The following ZNF641 variants were observed in gnomAD, a reference collection of about 807,000 sequenced individuals.
ZNF641 encodes the protein zinc finger protein 641.
In ZNF641, 26 loss-of-function variants were observed where a neutral mutation model predicts 46.2. The ratio of observed to expected loss-of-function variants is 0.56; its 90% CI spans 0.41 to 0.78. The LOEUF (loss-of-function observed/expected upper bound fraction) is 0.78, where lower values mean the gene tolerates loss of function less well. Ranked by LOEUF, ZNF641 falls within the 30% of genes least tolerant of loss-of-function variation. The pLI is 0.00. For missense variants in ZNF641, 469 were observed against 517.8 expected (o/e 0.91, Z 0.91); for synonymous variants, 163 against 187.9 (o/e 0.87, Z 1.09).
intron 1 of ZNF641, among the ~76,000 whole-genome samples, chr12:48,349,103 G>A (rs1011565200): frequency 6.6e-6 from 1 of 152,170 alleles, no homozygotes; most frequent in African/African-American, 2.4e-5. Context: ...GATGAATGAT[G>A]CTACTAATGA....
rs761723995 is a variant in ZNF641, at chr12:48,347,384, A to G, written c.185-41T>C. The G allele has an allele frequency of 6.5e-6, 10 of 1,544,160 alleles. No homozygotes were observed. In the Admixed American group the frequency reaches 2.0e-4, roughly 30 times the overall value. On this transcript the variant is annotated intron_variant, in intron 2 of 5. Coordinates refer to ENST00000547026, the MANE Select transcript of ZNF641 (RefSeq NM_001172681.2). ...AAGAAACATTAGAGAATAACGATCT[A>G]CCCTTTCTCAATGGGGCCTGGGCCC...
chr12:48,336,458 A>G (rs764046358), downstream of ZNF641, among the ~76,000 whole-genome samples: 2 of 152,244 alleles, frequency 1.3e-5, no homozygotes, highest in South Asian at 2.1e-4. Flanking sequence ...GCTGCAAGGC[A>G]TCTGAAGATC....
At position 48,342,464 on chromosome 12, in the gene ZNF641, G is replaced by A; in HGVS notation, c.*509C>T. The A allele has an allele frequency of 3.1e-6, 3 of 982,452 alleles. No individual in the cohort carries two copies. Among genetic ancestry groups the A allele is most frequent in the Non-Finnish European group, 3.6e-6 (3 of 825,998 alleles). 60.9% of individuals were successfully genotyped at this position (982,452 alleles called of 1,614,324 possible). On this transcript the variant is annotated 3_prime_UTR_variant, in exon 6 of 6. Coordinates refer to ENST00000547026, the MANE Select transcript of ZNF641 (RefSeq NM_001172681.2). ...TTCATAGTCACCAGTTCTGTGGGATGTAAATAGAAAGGATACTGAGGTCAA... is the reference window on the plus strand; with the variant it reads ...TTCATAGTCACCAGTTCTGTGGGATATAAATAGAAAGGATACTGAGGTCAA...
intron 1 of ZNF641, chr12:48,350,319 A>G (rs1952995200): frequency 8.7e-7 from 1 of 1,151,404 alleles, no homozygotes; most frequent in Non-Finnish European, 1.2e-6. Context: ...GGCTCCGTCC[A>G]TCAGAGAACC....
In ZNF641 at chr12:48,347,237, G is replaced by C. The variant is rs1460816553; in HGVS notation, c.276+15C>G. On this transcript the variant is annotated intron_variant, in intron 3 of 5. Transcript: ENST00000547026. Reference sequence around the variant, plus strand: ...TGATGGGACCACAGGAGACGCCAAGGGAAGCAGAGCTCACCTGTGATCCAG... The same window carrying C: ...TGATGGGACCACAGGAGACGCCAAGCGAAGCAGAGCTCACCTGTGATCCAG... 6.2e-7 allele frequency: 1 copy of C among 1,613,730 alleles called. No homozygotes were observed. The highest frequency in any genetic ancestry group is 8.5e-7 in the Non-Finnish European group (1 of 1,179,856).
downstream of ZNF641, among the ~76,000 whole-genome samples, chr12:48,337,014 G>A (rs976387053): frequency 6.6e-6 from 1 of 152,204 alleles, no homozygotes; most frequent in African/African-American, 2.4e-5. Context: ...GGGAGGTGGC[G>A]AGGCCCAACC....
rs200397764 is a variant in ZNF641, at chr12:48,349,196, A to AT, written c.-25-1082dup. 6.7e-3 allele frequency among the ~76,000 whole-genome samples: 1,011 copies of AT among 151,672 alleles called. 17 individuals carry two copies. The highest frequency in any genetic ancestry group is 0.023 in the African/African-American group (946 of 41,364). ...GATTGCAAGAGAAGAGATTTAGGTTATTTTTTTTTAATTCTTAATAATCCT... is the reference window on the plus strand; with the variant it reads ...GATTGCAAGAGAAGAGATTTAGGTTATTTTTTTTTTAATTCTTAATAATCCT... On this transcript the variant is annotated intron_variant, in intron 1 of 5. Coordinates refer to ENST00000547026, the MANE Select transcript of ZNF641 (RefSeq NM_001172681.2).
intron 1 of ZNF641, chr12:48,350,143 A>G: frequency 6.2e-7 from 1 of 1,610,706 alleles, no homozygotes; most frequent in Non-Finnish European, 8.5e-7. Flanking sequence ...TTCCAGGATG[A>G]TCCCATGCCC....
chr12:48,347,984 G>A lies in ZNF641; in HGVS notation c.107C>T (p.Pro36Leu), dbSNP rs1468505469. The A allele has an allele frequency of 1.2e-6, 2 of 1,614,026 alleles. No homozygotes were observed. The highest frequency in any genetic ancestry group is 1.1e-5 in the South Asian group (1 of 91,066). Reference protein sequence around the residue: ...QVERGSQEERPWRTVPGPLEH... With the variant: ...QVERGSQEERLWRTVPGPLEH... ...CAGAGGTCCTGGTACTGTTCTCCAT[G>A]GCCGCTCTTCCTGGCTTCCCCTTTC... Residue 36 changes from proline to leucine, a missense_variant, in exon 2 of 6, where the codon CCA becomes CTA. By Grantham distance (98) the Pro-to-Leu change is moderately conservative. Coordinates refer to ENST00000547026, the MANE Select transcript of ZNF641 (RefSeq NM_001172681.2).
chr12:48,342,793 A>C lies in ZNF641; in HGVS notation c.*180T>G. On this transcript the variant is annotated 3_prime_UTR_variant, in exon 6 of 6. Coordinates refer to ENST00000547026, the MANE Select transcript of ZNF641 (RefSeq NM_001172681.2). ...GTTTTGCCCAAAGAACTCTATTTTTATGTGCTATCTCACAGAACTGGTGAG... is the reference window on the plus strand; with the variant it reads ...GTTTTGCCCAAAGAACTCTATTTTTCTGTGCTATCTCACAGAACTGGTGAG... 7.0e-7 allele frequency: 1 copy of C among 1,418,952 alleles called. No individual in the cohort carries two copies. 87.9% of individuals were successfully genotyped at this position (1,418,952 alleles called of 1,614,324 possible).
rs1952648245 is a variant in ZNF641, at chr12:48,338,479, C to A, written c.*4494G>T. 1 of 152,218 alleles carries A rather than the reference C, an allele frequency of 6.6e-6. No homozygotes were observed. The highest frequency in any genetic ancestry group is 2.4e-5 in the African/African-American group (1 of 41,426). The allele number at this position is 152,218 out of a possible 1,614,324, so 9.4% of individuals were successfully genotyped here. A position where few individuals can be genotyped will look rare whatever the true frequency, so the allele number is the denominator to read the frequency against. ...TCTAATCTTTTGACCTTGGAGAAGACCTGTGGGCAGATTTATAACTGTCAG... is the reference window on the plus strand; with the variant it reads ...TCTAATCTTTTGACCTTGGAGAAGAACTGTGGGCAGATTTATAACTGTCAG... On this transcript the variant is annotated 3_prime_UTR_variant, in exon 6 of 6. Coordinates refer to ENST00000547026, the MANE Select transcript of ZNF641 (RefSeq NM_001172681.2).
Position 48,350,396 on chromosome 12 carries a change from CCTT to C in ZNF641, c.-26+387_-26+389del, listed in dbSNP as rs779839164. 3.9e-4 allele frequency: 150 copies of C among 381,824 alleles called. 1 individual carries two copies. Among genetic ancestry groups the C allele is most frequent in the Non-Finnish European group, 6.1e-4 (131 of 215,388 alleles). The allele number at this position is 381,824 out of a possible 1,614,324, so 23.7% of individuals were successfully genotyped here. A position where few individuals can be genotyped will look rare whatever the true frequency, so the allele number is the denominator to read the frequency against. ...TGCTCAGGGGTAAGGTTGCTTCTTC[CCTT>C]CTTCTTGTCACAGTGCCCCTGGAAA... On this transcript the variant is annotated intron_variant, in intron 1 of 5. Transcript: ENST00000547026.
rs1338006729 is a variant in ZNF641, at chr12:48,339,928, G to T, written c.*3045C>A. The T allele has an allele frequency of 1.0e-6, 1 of 985,218 alleles. No individual in the cohort carries two copies. Among genetic ancestry groups the T allele is most frequent in the Non-Finnish European group, 1.2e-6 (1 of 829,696 alleles). 61.0% of individuals were successfully genotyped at this position (985,218 alleles called of 1,614,324 possible). On this transcript the variant is annotated 3_prime_UTR_variant, in exon 6 of 6. Transcript: ENST00000547026. ...ATTCTTTGAAAGATACTATGTTGGGGTGGAAAGGGGAGGATACTCAGAATA... is the reference window on the plus strand; with the variant it reads ...ATTCTTTGAAAGATACTATGTTGGGTTGGAAAGGGGAGGATACTCAGAATA...
Position 48,348,056 on chromosome 12 carries a change from C to T in ZNF641, c.35G>A (p.Gly12Glu). 1 of 1,614,238 alleles carries T rather than the reference C, an allele frequency of 6.2e-7. No individual in the cohort carries two copies. The highest frequency in any genetic ancestry group is 8.5e-7 in the Non-Finnish European group (1 of 1,180,050). Residue 12 changes from glycine (G) to glutamate (E), a missense_variant, in exon 2 of 6, where the codon GGA becomes GAA. Around this residue, in one of 3 missense-constraint regions of ZNF641, gnomAD observed 98 missense variants for 105.7 expected, o/e 0.93. Coordinates refer to ENST00000547026, the MANE Select transcript of ZNF641 (RefSeq NM_001172681.2). Reference protein sequence around the residue: ...LSEQTAALGTGWESMNVQLDG... With the variant: ...LSEQTAALGTEWESMNVQLDG... ...CAGCTGTACATTCATTGATTCCCAT[C>T]CTGTCCCCAGCGCTGCTGTCTGTTC...
At chr12:48,350,125 T>C (rs1952988688) in intron 1 of ZNF641, 2 of 1,613,068 alleles carry the variant, frequency 1.2e-6, no homozygotes, top group Non-Finnish European at 1.7e-6. Flanking sequence ...TAACCTCGTT[T>C]CTCCTGGTTC....
chr12:48,342,122 T>C lies in ZNF641; in HGVS notation c.*851A>G, dbSNP rs1952733932. 2 of 985,296 alleles carry C rather than the reference T, an allele frequency of 2.0e-6. No homozygotes were observed. Among genetic ancestry groups the C allele is most frequent in the Non-Finnish European group, 1.2e-6 (1 of 829,920 alleles). 61.0% of individuals were successfully genotyped at this position (985,296 alleles called of 1,614,324 possible). A position where few individuals can be genotyped will look rare whatever the true frequency, so the allele number is the denominator to read the frequency against. On this transcript the variant is annotated 3_prime_UTR_variant, in exon 6 of 6. Coordinates refer to ENST00000547026, the MANE Select transcript of ZNF641 (RefSeq NM_001172681.2). Reference sequence around the variant, plus strand: ...GTTCAAGGGGATAAAGTTTTTTTTGTTTTTCTGTTTTTCTGTGTGGGCCAG... The same window carrying C: ...GTTCAAGGGGATAAAGTTTTTTTTGCTTTTCTGTTTTTCTGTGTGGGCCAG...
Position 48,343,232 on chromosome 12 carries a change from A to G in ZNF641, c.1016T>C (p.Val339Ala), listed in dbSNP as rs1432434779. The G allele has an allele frequency of 2.5e-6, 4 of 1,614,092 alleles. No homozygotes were observed. Among genetic ancestry groups the G allele is most frequent in the Admixed American group, 1.7e-5 (1 of 60,016 alleles). ...TTTCCTTGTGCCAGGGCTCTCTCCA[A>G]CCTCTTGGCCTTTGCAGGATTTGCC... ...AEGKSCKGQE[V>A]GESPGTRKRQ... Residue 339 changes from valine (V) to alanine (A), a missense_variant, in exon 6 of 6, where the codon GTT becomes GCT. Physicochemically the swap from Val to Ala is moderately conservative, Grantham distance 64 (BLOSUM62 0). This residue lies in a region of ZNF641 where 346 missense variants were observed against 354.0 expected (regional missense o/e 0.98). Coordinates refer to ENST00000547026, the MANE Select transcript of ZNF641 (RefSeq NM_001172681.2).
intron 3 of ZNF641, among the ~76,000 whole-genome samples, chr12:48,345,953 G>C (rs1333708611): frequency 1.3e-5 from 2 of 151,390 alleles, no homozygotes; most frequent in Non-Finnish European, 2.9e-5. Flanking sequence ...GCCCAGGCTG[G>C]AGTGCAGTAG....
chr12:48,343,887 A>C lies in ZNF641; in HGVS notation c.521-160T>G, dbSNP rs117903022. Among the ~76,000 whole-genome samples the C allele has an allele frequency of 1.6e-3, 251 of 152,314 alleles. 9 individuals are homozygous for C. The East Asian group carries it at 0.046, about 28-fold the overall frequency. The stretch of plus-strand genomic sequence containing the variant: ...AATGTCGTACAAGACAGTGCAATAG[A>C]TATAGAGGTTAAAAGCCTAGGCTTA... On this transcript the variant is annotated intron_variant, in intron 5 of 5. Coordinates refer to ENST00000547026, the MANE Select transcript of ZNF641 (RefSeq NM_001172681.2).
Sources: allele counts gnomAD v4.1 joint callset (sites outside exome capture counted in the v4.1 genomes callset), GRCh38; gene constraint gnomAD v4.1.1; regional missense constraint gnomAD v4.1.1; transcripts MANE v1.5; gene names NCBI Gene and HGNC (gene_info 2026-07-23, HGNC 2026-07-21).